CIB2: variants seen among roughly 807,000 people sequenced by gnomAD.
CIB2 encodes the protein calcium and integrin-binding family member 2.
A neutral mutation model predicts 23.1 loss-of-function variants in CIB2; 19 were observed. The observed-to-expected ratio is 0.82, with a 90% CI of 0.57 to 1.21. The LOEUF is 1.21. CIB2 is among the 50% of genes most tolerant of loss of function. CIB2 has a pLI of 0.00. For synonymous variants in CIB2, 94 were observed against 91.7 expected, an observed-to-expected ratio of 1.03 and a Z score of -0.14; for missense variants, 220 against 241.5, an observed-to-expected ratio of 0.91 and a Z score of 0.59.
chr15:78,130,887 C>T lies in CIB2; in HGVS notation c.51+278G>A, dbSNP rs72732570. 7.3e-3 allele frequency among the ~76,000 whole-genome samples: 1,103 copies of T among 151,884 alleles called. 8 individuals are homozygous for T. The highest frequency in any genetic ancestry group is 0.012 in the Non-Finnish European group (803 of 68,006). ...GCCAGATGGGCGCTGGAATGGGTGG[C>T]TGGAGAGGGGTTCGGGTCCTGCCTA... On this transcript the variant is annotated intron_variant, in intron 1 of 5. Coordinates refer to ENST00000258930, the MANE Select transcript of CIB2 (RefSeq NM_006383.4).
chr15:78,117,795 CT>C (rs978869309), intron 2 of CIB2, among the ~76,000 whole-genome samples: 1 of 152,220 alleles, frequency 6.6e-6, no homozygotes, highest in Non-Finnish European at 1.5e-5. Flanking sequence ...GCTGGCCCCC[CT>C]GACAGGCAGC....
At chr15:78,129,266 G>C (rs1055885728) in intron 1 of CIB2, among the ~76,000 whole-genome samples, 3 of 152,112 alleles carry the variant, frequency 2.0e-5, no homozygotes, top group African/African-American at 7.2e-5. Context: ...GGGGCTCTCA[G>C]GTTTCACAGC....
rs200153767 is a variant in CIB2 at position 78,105,362 on chromosome 15, G to A, written c.543-30C>T. The A allele has an allele frequency of 1.6e-3, 2,625 of 1,613,814 alleles. 10 individuals carry two copies. The highest frequency in any genetic ancestry group is 2.1e-3 in the Non-Finnish European group (2,476 of 1,179,902). On this transcript the variant is annotated intron_variant, in intron 5 of 5. Coordinates refer to ENST00000258930, the MANE Select transcript of CIB2 (RefSeq NM_006383.4). ...AAAGAGAGAAAGGGCAAGAGAGGGT[G>A]AGAGGCCCTGGGTCGGGCAGGTAAA...
At chr15:78,107,102 GTGGA>G (rs2074083229) in intron 4 of CIB2, among the ~76,000 whole-genome samples, 1 of 152,146 alleles carries the variant, frequency 6.6e-6, no homozygotes, top group Non-Finnish European at 1.5e-5. Context: ...GGGCGTGGTG[GTGGA>G]CGCCTGTAGT....
chr15:78,118,079 T>C (rs551956732), intron 2 of CIB2, among the ~76,000 whole-genome samples: 4 of 152,312 alleles, frequency 2.6e-5, no homozygotes, highest in Non-Finnish European at 5.9e-5. Context: ...TTTAAAATAT[T>C]GTATCAGAAT....
intron 2 of CIB2, among the ~76,000 whole-genome samples, chr15:78,119,041 G>A (rs187711770): frequency 4.6e-5 from 7 of 151,994 alleles, no homozygotes; most frequent in Admixed American, 2.6e-4. Flanking sequence ...TTAGCCGAGC[G>A]TGTTGGTACA....
intron 3 of CIB2, among the ~76,000 whole-genome samples, chr15:78,109,870 C>T (rs988468051): frequency 6.6e-6 from 1 of 151,706 alleles, no homozygotes; most frequent in Non-Finnish European, 1.5e-5. Flanking sequence ...GGCACTGCCT[C>T]ATCTGAAGCA....
rs896491561 is a variant in CIB2 at position 78,119,935 on chromosome 15, C to T, written c.86+3770G>A. ...TTTTTTTTTGAGTCAGAGTCTTGCT[C>T]TGTTGCCCAGGCTGGTGTGCAGTGG... On this transcript the variant is annotated intron_variant, in intron 2 of 5. Transcript: ENST00000258930. Among the ~76,000 whole-genome samples, 3 of 149,840 alleles carry T rather than the reference C, an allele frequency of 2.0e-5. No homozygotes were observed. In the South Asian group the frequency reaches 6.4e-4, roughly 32 times the overall value.
At chr15:78,108,598 C>CG (rs71447188) in intron 4 of CIB2, among the ~76,000 whole-genome samples, 155 of 151,846 alleles carry the variant, frequency 1.0e-3, no homozygotes, top group South Asian at 7.9e-3. Flanking sequence ...AGGCAGTATT[C>CG]GGGGGGGCTC....
intron 3 of CIB2, chr15:78,110,846 A>C: frequency 2.1e-6 from 1 of 479,062 alleles, no homozygotes; most frequent in Non-Finnish European, 4.1e-6. Flanking sequence ...ACGGGGAGAC[A>C]GAAAAGTTAT....
intron 2 of CIB2, among the ~76,000 whole-genome samples, chr15:78,118,874 T>C (rs962716876): frequency 1.3e-5 from 2 of 151,948 alleles, no homozygotes; most frequent in African/African-American, 2.4e-5. Context: ...TATTCTACTT[T>C]CTGTTTCTAA....
chr15:78,130,322 T>G (rs1041165248), intron 1 of CIB2, among the ~76,000 whole-genome samples: 5 of 152,086 alleles, frequency 3.3e-5, no homozygotes, highest in African/African-American at 1.2e-4. Context: ...CCTGGTGAGC[T>G]GGAGCAACTG....
At chr15:78,105,496 A>G in intron 5 of CIB2, 164 bp from the exon 6 acceptor site, 1 of 1,505,504 alleles carries the variant, frequency 6.6e-7, no homozygotes, top group Non-Finnish European at 8.9e-7. Flanking sequence ...AAGACGGAGG[A>G]ACAGCGGTGC....
rs1476455900 is a variant in CIB2 at position 78,120,701 on chromosome 15, G to A, written c.86+3004C>T. 1.8e-5 allele frequency: 18 copies of A among 985,338 alleles called. No homozygotes were observed. In the South Asian group the frequency reaches 2.8e-4, roughly 15 times the overall value. 61.0% of individuals were successfully genotyped at this position (985,338 alleles called of 1,614,324 possible). ...GGCAGAGGGAAGGAGAATTGGAGGC[G>A]GGCTATCTGTGACTCGGTATCACTG... On this transcript the variant is annotated intron_variant, in intron 2 of 5. Transcript: ENST00000258930.
rs545033600 is a variant in CIB2, at chr15:78,116,445, C to T, written c.87-5169G>A. Among the ~76,000 whole-genome samples the T allele has an allele frequency of 5.4e-5, 8 of 148,960 alleles. 1 individual carries two copies. Among genetic ancestry groups the T allele is most frequent in the African/African-American group, 2.0e-4 (8 of 40,292 alleles). Reference sequence around the variant, plus strand: ...TCGCACCACTGCACTCCAGACTGGGCGACAGAGATCCTGCCTGACAAAAAA... The same window carrying T: ...TCGCACCACTGCACTCCAGACTGGGTGACAGAGATCCTGCCTGACAAAAAA... On this transcript the variant is annotated intron_variant, in intron 2 of 5. Coordinates refer to ENST00000258930, the MANE Select transcript of CIB2 (RefSeq NM_006383.4).
In CIB2 at chr15:78,111,250, G is replaced by A. The variant is rs1567051664; in HGVS notation, c.113C>T (p.Ala38Val). 8 of 1,614,094 alleles carry A rather than the reference G, an allele frequency of 5.0e-6. No homozygotes were observed. The highest frequency in any genetic ancestry group is 5.9e-6 in the Non-Finnish European group (7 of 1,179,994). ...GTAGTCCATTGGGACGAGGTTGGGG[G>A]CCAGCTCATAGAATCGCGAATGCAG... ...LKLHSRFYEL[A>V]PNLVPMDYRK... is the part of the protein sequence containing the mutation. Residue 38 changes from alanine to valine, a missense_variant, in exon 3 of 6, where the codon GCC becomes GTC. Transcript: ENST00000258930.
At chr15:78,110,340 GA>G (rs2074137911) in intron 3 of CIB2, among the ~76,000 whole-genome samples, 2 of 152,228 alleles carry the variant, frequency 1.3e-5, no homozygotes, top group African/African-American at 4.8e-5. Flanking sequence ...GCAACCCTCT[GA>G]GCTTGCTCTT....
chr15:78,125,267 G>C (rs1380605971), intron 1 of CIB2, among the ~76,000 whole-genome samples: 1 of 152,182 alleles, frequency 6.6e-6, no homozygotes, highest in Non-Finnish European at 1.5e-5. Context: ...ACATGGTGCA[G>C]AATGTGGACT....
intron 2 of CIB2, among the ~76,000 whole-genome samples, chr15:78,116,628 A>G (rs1046267081): frequency 6.6e-6 from 1 of 152,226 alleles, no homozygotes; most frequent in East Asian, 1.9e-4. Context: ...GTAATTAGTT[A>G]AGACAGTAAA....
Sources: gnomAD v4.1 joint callset for allele counts (sites outside exome capture counted in the v4.1 genomes callset) on GRCh38, gnomAD v4.1.1 for gene constraint, MANE v1.5 for transcripts, NCBI Gene and HGNC (gene_info 2026-07-23, HGNC 2026-07-21) for gene names.